Variants in MAP3K1 observed in about 807,000 individuals in gnomAD.
MAP3K1 encodes the protein mitogen-activated protein kinase kinase kinase 1.
Under a neutral mutation model 144.2 loss-of-function variants are expected in MAP3K1, and 36 were observed. The ratio of observed to expected loss-of-function variants is 0.25; its 90% CI spans 0.19 to 0.33. MAP3K1 has a LOEUF of 0.33. Ranked by LOEUF, MAP3K1 falls within the 10% of genes least tolerant of loss-of-function variation. The pLI, the probability that MAP3K1 is intolerant of heterozygous loss-of-function variation, is 1.00. For synonymous variants in MAP3K1, 718 were observed against 688.7 expected, an observed-to-expected ratio of 1.04 and a Z score of -0.67; for missense variants, 1,650 against 1,881.9, an observed-to-expected ratio of 0.88 and a Z score of 2.28.
chr5:56,826,041 T>C (rs574914623), intron 1 of MAP3K1, among the ~76,000 whole-genome samples: 2 of 152,250 alleles, frequency 1.3e-5, no homozygotes, highest in East Asian at 3.9e-4. Flanking sequence ...AATACATAGA[T>C]AAGGCATTTG....
chr5:56,841,761 A>T (rs1488316156), intron 1 of MAP3K1, among the ~76,000 whole-genome samples: 1 of 152,184 alleles, frequency 6.6e-6, no homozygotes, highest in East Asian at 1.9e-4. Context: ...ATGTGATTTC[A>T]TAGGTTCTTA....
chr5:56,834,879 G>A (rs1393498603), intron 1 of MAP3K1, among the ~76,000 whole-genome samples: 6 of 151,952 alleles, frequency 3.9e-5, no homozygotes, highest in African/African-American at 1.5e-4. Flanking sequence ...AGAATAACTT[G>A]TATAAAATAA....
In MAP3K1 at chr5:56,895,322, T is replaced by G. The variant is rs1383477988; in HGVS notation, c.*1642T>G. On this transcript the variant is annotated 3_prime_UTR_variant, in exon 20 of 20. Transcript: ENST00000399503. Reference sequence around the variant, plus strand: ...TAAAAATAGTACAGAAATGTGAAGTTTGGTATCTCTAAATGTGTTGTACTT... The same window carrying G: ...TAAAAATAGTACAGAAATGTGAAGTGTGGTATCTCTAAATGTGTTGTACTT... The G allele has an allele frequency of 1.7e-5, 4 of 232,144 alleles. No homozygotes were observed. The highest frequency in any genetic ancestry group is 8.5e-6 in the Non-Finnish European group (1 of 117,380). 14.4% of individuals were successfully genotyped at this position (232,144 alleles called of 1,614,324 possible).
chr5:56,840,620 C>G (rs1031916127), intron 1 of MAP3K1, among the ~76,000 whole-genome samples: 3 of 152,268 alleles, frequency 2.0e-5, no homozygotes, highest in South Asian at 2.1e-4. Context: ...ACAGAAAACC[C>G]TAACTTCTGT....
intron 10 of MAP3K1, among the ~76,000 whole-genome samples, chr5:56,878,700 A>C (rs912176461): frequency 2.0e-5 from 3 of 151,954 alleles, no homozygotes; most frequent in African/African-American, 7.3e-5. Flanking sequence ...GCCTGTTCTC[A>C]TTTTCTTTTT....
rs757495756 is a variant in MAP3K1, at chr5:56,865,475, T to G, written c.1152+19T>G. ...TTTTGAGGTAGTTTTTAATAAATGC[T>G]TAGAGTAAAATTGTTAGCATATTCT... On this transcript the variant is annotated intron_variant, in intron 5 of 19. Coordinates refer to ENST00000399503, the MANE Select transcript of MAP3K1 (RefSeq NM_005921.2). 9.3e-6 allele frequency: 12 copies of G among 1,291,246 alleles called. No homozygotes were observed. In the South Asian group the frequency reaches 1.4e-4, roughly 15 times the overall value. 80.0% of individuals were successfully genotyped at this position (1,291,246 alleles called of 1,614,324 possible).
At chr5:56,870,663 T>G (rs1017626955) in intron 6 of MAP3K1, among the ~76,000 whole-genome samples, 1 of 152,188 alleles carries the variant, frequency 6.6e-6, no homozygotes, top group African/African-American at 2.4e-5. Flanking sequence ...TTTCTTTTAC[T>G]TTTACTTTAT....
chr5:56,882,027 AC>A lies in MAP3K1; in HGVS notation c.2828del (p.Thr943LysfsTer25), dbSNP rs773766623. 12 of 967,756 alleles carry A rather than the reference AC, an allele frequency of 1.2e-5. No homozygotes were observed. Among genetic ancestry groups the A allele is most frequent in the Non-Finnish European group, 1.6e-5 (11 of 692,996 alleles). The allele number at this position is 967,756 out of a possible 1,614,324, so 59.9% of individuals were successfully genotyped here. The part of the protein sequence containing the change: ...SISVGPSSST[T>X]TTTTTTEQPK... The stretch of plus-strand genomic sequence containing the variant: ...TTCAGTAGGACCTTCTAGTTCAACA[AC>A]AACAACAACAACAACAACAGAGCAA... On this transcript the variant is annotated frameshift_variant, in exon 14 of 20. Coordinates refer to ENST00000399503, the MANE Select transcript of MAP3K1 (RefSeq NM_005921.2). LOFTEE classifies it high-confidence loss of function.
chr5:56,833,027 G>A (rs1355722046), intron 1 of MAP3K1, among the ~76,000 whole-genome samples: 1 of 151,850 alleles, frequency 6.6e-6, no homozygotes, highest in Non-Finnish European at 1.5e-5. Flanking sequence ...ATGCATCACC[G>A]CACCCAGATA....
Position 56,864,819 on chromosome 5 carries a change from G to A in MAP3K1, c.920G>A (p.Arg307His), listed in dbSNP as rs1343464548. ...TATAGCCCTGAGGAAACAAACCGCC[G>A]TGTTAACAAAGTGATGCGGGCCAGA... Reference protein sequence around the residue: ...SPYSPEETNRRVNKVMRARLY... With the variant: ...SPYSPEETNRHVNKVMRARLY... Residue 307 changes from arginine (R) to histidine (H), a missense_variant, in exon 4 of 20, where the codon CGT becomes CAT. Transcript: ENST00000399503. 3.1e-6 allele frequency: 5 copies of A among 1,613,976 alleles called. No homozygotes were observed. The highest frequency in any genetic ancestry group is 1.6e-4 in the Middle Eastern group (1 of 6,084).
chr5:56,868,922 G>C (rs1031317070), intron 6 of MAP3K1, among the ~76,000 whole-genome samples: 1 of 152,046 alleles, frequency 6.6e-6, no homozygotes, highest in Admixed American at 6.6e-5. Flanking sequence ...TGAACCTTTA[G>C]GACATTATTC....
intron 10 of MAP3K1, 67 bp downstream of exon 10, chr5:56,875,377 G>T: frequency 1.3e-6 from 2 of 1,543,982 alleles, no homozygotes; most frequent in South Asian, 2.3e-5. Context: ...CGTAGATAGT[G>T]TTTTTAAGAT....
chr5:56,866,256 AAAAT>A (rs1419872960), intron 6 of MAP3K1, among the ~76,000 whole-genome samples: 2 of 152,110 alleles, frequency 1.3e-5, no homozygotes, highest in East Asian at 3.9e-4. Flanking sequence ...CTACAGAAGT[AAAAT>A]AATTAGCTGG....
chr5:56,848,245 CT>C lies in MAP3K1; in HGVS notation c.483-8352del, dbSNP rs371542348. ...TTTACTAATTTGGAAGTAATAAAAA[CT>C]TTCGAATATTCTTCCTTTTCTCATT... is the stretch of plus-strand genomic sequence containing the variant. On this transcript the variant is annotated intron_variant, in intron 1 of 19. Coordinates refer to ENST00000399503, the MANE Select transcript of MAP3K1 (RefSeq NM_005921.2). Among the ~76,000 whole-genome samples the C allele has an allele frequency of 3.5e-4, 54 of 152,276 alleles. 1 individual carries two copies. In the South Asian group the frequency reaches 0.011, roughly 30 times the overall value.
intron 1 of MAP3K1, among the ~76,000 whole-genome samples, chr5:56,855,909 T>C (rs766855463): frequency 2.6e-5 from 4 of 152,222 alleles, no homozygotes; most frequent in Non-Finnish European, 4.4e-5. Context: ...TTAAAATTAG[T>C]GATTTTCGTG....
At chr5:56,845,238 C>T (rs749508870) in intron 1 of MAP3K1, among the ~76,000 whole-genome samples, 2 of 152,188 alleles carry the variant, frequency 1.3e-5, no homozygotes, top group East Asian at 1.9e-4. Flanking sequence ...TAAGTATGTA[C>T]TAGCCCTGTT....
Position 56,887,504 on chromosome 5 carries a change from C to G in MAP3K1, c.4241C>G (p.Ala1414Gly), listed in dbSNP as rs749861124. ...EFQGQLLGTI[A>G]FMAPEVLRGQ... The stretch of plus-strand genomic sequence containing the variant: ...CAGGGACAATTACTGGGGACAATTG[C>G]ATTTATGGCACCTGAGGTGAGAAGC... The change falls in exon 18 of 20, where the codon GCA becomes GGA. Residue 1414 changes from alanine (A) to glycine (G), a missense_variant. Coordinates refer to ENST00000399503, the MANE Select transcript of MAP3K1 (RefSeq NM_005921.2). 1 of 1,614,142 alleles carries G rather than the reference C, an allele frequency of 6.2e-7. No individual in the cohort carries two copies. The highest frequency in any genetic ancestry group is 8.5e-7 in the Non-Finnish European group (1 of 1,179,994).
Position 56,881,112 on chromosome 5 carries a change from G to A in MAP3K1, c.2209G>A (p.Val737Ile). ...CATTGGTATTGGTGGTGTTGATTAT[G>A]TCTTAAATTGTATTCTTGGAAACCA... ...GSIGIGGVDY[V>I]LNCILGNQTE... The change falls in exon 13 of 20, where the codon GTC (valine) becomes ATC (isoleucine). Residue 737 changes from valine (V) to isoleucine (I), a missense_variant. Val to Ile is a conservative substitution (Grantham distance 29, BLOSUM62 3). Transcript: ENST00000399503. The A allele has an allele frequency of 6.2e-7, 1 of 1,613,400 alleles. No individual in the cohort carries two copies. Among genetic ancestry groups the A allele is most frequent in the Non-Finnish European group, 8.5e-7 (1 of 1,179,676 alleles).
At chr5:56,873,084 T>C (rs1442852353) in intron 9 of MAP3K1, 79 bp downstream of exon 9, 1 of 1,366,054 alleles carries the variant, frequency 7.3e-7, no homozygotes, top group African/African-American at 1.5e-5. Context: ...CCCTCAGTTG[T>C]TCATAATTTA....
Sources: gnomAD v4.1 joint callset for allele counts (sites outside exome capture counted in the v4.1 genomes callset) on GRCh38, gnomAD v4.1.1 for gene constraint, MANE v1.5 for transcripts, NCBI Gene and HGNC (gene_info 2026-07-23, HGNC 2026-07-21) for gene names.